The following PDK1 variants were observed in gnomAD, a reference collection of about 807,000 sequenced individuals.
PDK1 encodes pyruvate dehydrogenase kinase 1.
In PDK1, 39 loss-of-function variants were observed where a neutral mutation model predicts 54.2. The ratio of observed to expected loss-of-function variants is 0.72; its 90% CI spans 0.56 to 0.94. PDK1 has a LOEUF of 0.94. Ranked by LOEUF, PDK1 falls within the 40% of genes least tolerant of loss-of-function variation. The probability of loss-of-function intolerance (pLI) is 0.00; values close to 1 mark genes in which losing one functional copy is unlikely to be tolerated. For synonymous variants in PDK1, 221 were observed against 207.1 expected (o/e 1.07, Z -0.58); for missense variants, 552 against 566.0 (o/e 0.98, Z 0.25).
chr2:172,576,066 T>C (rs980456147), intron 8 of PDK1, among the ~76,000 whole-genome samples: 6 of 152,154 alleles, frequency 3.9e-5, no homozygotes, highest in Non-Finnish European at 8.8e-5. Context: ...TAGCTAGGAC[T>C]GCAGGCACCC....
At chr2:172,713,364 G>A in the PDK1 span, among the ~76,000 whole-genome samples, 1 of 152,176 alleles carries the variant, frequency 6.6e-6, no homozygotes. Context: ...GGGGTTTTAT[G>A]GGGGACTAGC....
At chr2:172,631,300 A>G in the PDK1 span, among the ~76,000 whole-genome samples, 1 of 152,202 alleles carries the variant, frequency 6.6e-6, no homozygotes, top group African/African-American at 2.4e-5. Flanking sequence ...CTTGTGCCAG[A>G]TGTGTACTGA....
chr2:172,558,804 C>G lies in PDK1; in HGVS notation c.293C>G (p.Pro98Arg), dbSNP rs757673678. Residue 98 changes from proline (P) to arginine (R), a missense_variant, in exon 2 of 11, where the codon CCA (proline) becomes CGA (arginine). Physicochemically the swap from Pro to Arg is moderately radical, Grantham distance 103 (BLOSUM62 -2). Transcript: ENST00000282077. ...ATAATGAAAGAAATAAGTCTCCTTC[C>G]AGATAATCTTCTCAGGACACCATCC... The part of the protein sequence containing the change: ...ANIMKEISLL[P>R]DNLLRTPSVQ... 1 of 1,611,692 alleles carries G rather than the reference C, an allele frequency of 6.2e-7. No individual in the cohort carries two copies. The highest frequency in any genetic ancestry group is 8.5e-7 in the Non-Finnish European group (1 of 1,179,078).
At chr2:172,685,491 C>T in the PDK1 span, among the ~76,000 whole-genome samples, 2 of 152,330 alleles carry the variant, frequency 1.3e-5, no homozygotes, top group South Asian at 4.1e-4. Flanking sequence ...GACTAAGACA[C>T]AGCCTCACTT....
chr2:172,625,004 G>A, the PDK1 span, among the ~76,000 whole-genome samples: 3 of 151,578 alleles, frequency 2.0e-5, no homozygotes, highest in African/African-American at 7.3e-5. Flanking sequence ...AAAAAAACAT[G>A]CCAGGGAGCG....
chr2:172,669,015 C>T, the PDK1 span, among the ~76,000 whole-genome samples: 1 of 148,238 alleles, frequency 6.7e-6, no homozygotes, highest in East Asian at 2.0e-4. Flanking sequence ...TGTCCCCTAG[C>T]TTCATCCATG....
chr2:172,637,801 T>C, the PDK1 span, among the ~76,000 whole-genome samples: 1 of 152,160 alleles, frequency 6.6e-6, no homozygotes. Context: ...GTTCAAGCAA[T>C]TCTCGTGCCT....
chr2:172,645,260 C>CTTTTTTTTTTTTTTTTTTTT, the PDK1 span, among the ~76,000 whole-genome samples: 6 of 51,144 alleles, frequency 1.2e-4, 2 homozygotes, highest in African/African-American at 3.4e-4. Flanking sequence ...ACAAAATAGG[C>CTTTTTTTTTTTTTTTTTTTT]TTTTTTTTTT....
At chr2:172,577,501 TATC>T (rs1237765556) in intron 8 of PDK1, among the ~76,000 whole-genome samples, 1 of 152,128 alleles carries the variant, frequency 6.6e-6, no homozygotes, top group East Asian at 1.9e-4. Context: ...ATATATGTCA[TATC>T]ATTTTTTATT....
At chr2:172,652,057 C>T in the PDK1 span, among the ~76,000 whole-genome samples, 4 of 152,102 alleles carry the variant, frequency 2.6e-5, no homozygotes, top group East Asian at 1.9e-4. Context: ...AACATCGATG[C>T]AAAAATCCTC....
chr2:172,657,214 T>TG, the PDK1 span, among the ~76,000 whole-genome samples: 1 of 151,666 alleles, frequency 6.6e-6, no homozygotes, highest in Non-Finnish European at 1.5e-5. Flanking sequence ...TAAATGGAGA[T>TG]GGGGTCTCAC....
intron 10 of PDK1, among the ~76,000 whole-genome samples, chr2:172,595,385 T>C (rs1354868687): frequency 1.3e-5 from 2 of 152,210 alleles, no homozygotes; most frequent in African/African-American, 2.4e-5. Context: ...TGAGTTTTTT[T>C]TAAAGCACAG....
At chr2:172,588,806 A>G (rs977635875) in intron 9 of PDK1, among the ~76,000 whole-genome samples, 2 of 152,172 alleles carry the variant, frequency 1.3e-5, no homozygotes, top group Non-Finnish European at 2.9e-5. Flanking sequence ...TGGATAGGCT[A>G]TCTTCACACT....
chr2:172,640,516 A>G, the PDK1 span, among the ~76,000 whole-genome samples: 1 of 152,162 alleles, frequency 6.6e-6, no homozygotes, highest in Non-Finnish European at 1.5e-5. Context: ...GGTTTGATTG[A>G]TAGATAGCAT....
At chr2:172,691,795 A>T in the PDK1 span, among the ~76,000 whole-genome samples, 1 of 152,222 alleles carries the variant, frequency 6.6e-6, no homozygotes, top group Non-Finnish European at 1.5e-5. Flanking sequence ...GATGTACCAC[A>T]GTTTATGTAT....
the PDK1 span, among the ~76,000 whole-genome samples, chr2:172,614,669 A>G: frequency 1.3e-5 from 2 of 152,170 alleles, no homozygotes; most frequent in African/African-American, 4.8e-5. Context: ...GCCTACAGAG[A>G]GGAGCCACCC....
rs1691347801 is a variant in PDK1 at position 172,607,880 on chromosome 2, TAC to T, written c.*11914_*11915del. 1 of 152,206 alleles carries T rather than the reference TAC, an allele frequency of 6.6e-6. No homozygotes were observed. Among genetic ancestry groups the T allele is most frequent in the Admixed American group, 6.5e-5 (1 of 15,270 alleles). The allele number at this position is 152,206 out of a possible 1,614,324, so 9.4% of individuals were successfully genotyped here. ...CAGTACACCATACTCAGTGTATACT[TAC>T]ACTCCAAGACATTTCCTGGGCAGTG... is the stretch of plus-strand genomic sequence containing the variant. On this transcript the variant is annotated 3_prime_UTR_variant, in exon 11 of 11. Transcript: ENST00000282077.
At chr2:172,711,212 G>T in the PDK1 span, among the ~76,000 whole-genome samples, 2 of 152,192 alleles carry the variant, frequency 1.3e-5, no homozygotes. Flanking sequence ...GTGACATAAA[G>T]ATGTCTCTTG....
intron 3 of PDK1, among the ~76,000 whole-genome samples, chr2:172,562,537 G>A (rs1688711739): frequency 6.6e-6 from 1 of 152,254 alleles, no homozygotes; most frequent in East Asian, 1.9e-4. Flanking sequence ...CTCAGTGCCA[G>A]TTGGACTGTT....
Sources: gnomAD v4.1 joint callset for allele counts (sites outside exome capture counted in the v4.1 genomes callset) on GRCh38, gnomAD v4.1.1 for gene constraint, MANE v1.5 for transcripts, NCBI Gene and HGNC (gene_info 2026-07-23, HGNC 2026-07-21) for gene names.